The following NUCB2 variants were observed in gnomAD, a reference collection of about 807,000 sequenced individuals.
The protein encoded by NUCB2 is nucleobindin 2.
In NUCB2, 48 loss-of-function variants were observed where a neutral mutation model predicts 57.9. The ratio of observed to expected loss-of-function variants is 0.83; its 90% CI spans 0.66 to 1.05. NUCB2 has a LOEUF of 1.05. Ranked by LOEUF, NUCB2 falls within the 50% of genes least tolerant of loss-of-function variation. The probability of loss-of-function intolerance (pLI) is 0.00; values close to 1 mark genes in which losing one functional copy is unlikely to be tolerated. For synonymous variants in NUCB2, 139 were observed against 152.1 expected (o/e 0.91, Z 0.64); for missense variants, 442 against 476.2 (o/e 0.93, Z 0.67).
chr11:17,341,578 T>C (rs1952270288), intron 2 of NUCB2, among the ~76,000 whole-genome samples: 1 of 152,214 alleles, frequency 6.6e-6, no homozygotes, highest in Non-Finnish European at 1.5e-5. Flanking sequence ...GATAATCATG[T>C]GGTTTTTGTC....
chr11:17,329,630 T>C (rs2139441501), intron 11 of NUCB2, among the ~76,000 whole-genome samples: 1 of 152,340 alleles, frequency 6.6e-6, no homozygotes, highest in Middle Eastern at 3.4e-3. Context: ...GCACAGACTC[T>C]CTGTGCTGCA....
intron 11 of NUCB2, among the ~76,000 whole-genome samples, chr11:17,326,040 G>T (rs1950622191): frequency 2.7e-5 from 4 of 148,010 alleles, no homozygotes; most frequent in South Asian, 2.1e-4. Context: ...CACTCTTGTT[G>T]CTCAGGCTGG....
intron 1 of NUCB2, among the ~76,000 whole-genome samples, chr11:17,282,258 A>ATATTTTT (rs1388672393): frequency 3.9e-5 from 4 of 103,482 alleles, no homozygotes; most frequent in East Asian, 3.3e-4. Flanking sequence ...ATATATATAT[A>ATATTTTT]TTTTTTTTTT....
chr11:17,311,933 A>G lies in NUCB2; in HGVS notation c.819+3A>G. The G allele has an allele frequency of 6.3e-7, 1 of 1,581,988 alleles. No homozygotes were observed. Among genetic ancestry groups the G allele is most frequent in the Non-Finnish European group, 8.7e-7 (1 of 1,155,972 alleles). ...TAGAAGCCCTATTTACTAAAGAGGT[A>G]AAGGAGTTTATTAAGTATTCAGTGT... On this transcript the variant is annotated splice_donor_region_variant and intron_variant, in intron 9 of 13. Coordinates refer to ENST00000529010, the MANE Select transcript of NUCB2 (RefSeq NM_005013.4).
rs1944036164 is a variant in NUCB2, at chr11:17,287,777, A to G, written c.-1+4834A>G. Among the ~76,000 whole-genome samples, 3 of 152,034 alleles carry G rather than the reference A, an allele frequency of 2.0e-5. No homozygotes were observed. The South Asian group carries it at 6.2e-4, about 31-fold the overall frequency. On this transcript the variant is annotated intron_variant, in intron 2 of 13. Transcript: ENST00000529010. The stretch of plus-strand genomic sequence containing the variant: ...CACTTTGGGAGGCCAAGTTGCATGG[A>G]TCACTTGAGGTCAGGAGTTTGAGAC...
intron 4 of NUCB2, among the ~76,000 whole-genome samples, chr11:17,297,938 C>G (rs923974186): frequency 6.6e-6 from 1 of 151,844 alleles, no homozygotes; most frequent in South Asian, 2.1e-4. Context: ...AAAAATTAGC[C>G]GGGTGTGGTG....
In NUCB2 at chr11:17,330,915, T is replaced by G. The variant is rs1369205683; in HGVS notation, c.1187T>G (p.Met396Arg). 6 of 1,599,512 alleles carry G rather than the reference T, an allele frequency of 3.8e-6. No individual in the cohort carries two copies. The highest frequency in any genetic ancestry group is 4.3e-6 in the Non-Finnish European group (5 of 1,170,362). Residue 396 changes from methionine (M) to arginine (R), a missense_variant, in exon 13 of 14, where the codon ATG becomes AGG. Coordinates refer to ENST00000529010, the MANE Select transcript of NUCB2 (RefSeq NM_005013.4). This position sits in a 1 kb window ranked among gnomAD's most constrained non-coding sequence, Gnocchi z 4.3. Reference sequence around the variant, plus strand: ...TCCATTCACCAGGTCATACAGCAGATGGAACAAAAAAAATTACAACAAGGA... The same window carrying G: ...TCCATTCACCAGGTCATACAGCAGAGGGAACAAAAAAAATTACAACAAGGA... Reference protein sequence around the residue: ...KLEYHQVIQQMEQKKLQQGIP... With the variant: ...KLEYHQVIQQREQKKLQQGIP...
At chr11:17,298,793 G>A (rs1044218503) in intron 4 of NUCB2, among the ~76,000 whole-genome samples, 1 of 151,842 alleles carries the variant, frequency 6.6e-6, no homozygotes, top group Non-Finnish European at 1.5e-5. Flanking sequence ...CTGCCTCCCA[G>A]GGTCAAGTGA....
Position 17,331,418 on chromosome 11 carries a change from A to T in NUCB2, c.1262A>T (p.Ter421LeuextTer21), listed in dbSNP as rs774545651. ...AGELKFEPHI[*>L] ...TTTTTCTTTTTTCCAACAGACATTT[A>T]AAGTCTGAAGTCCACCAGAACTTGG... Residue 421 changes from the stop codon to leucine (L), a stop_lost, in exon 14 of 14, where the codon TAA becomes TTA. Transcript: ENST00000529010. 7.6e-6 allele frequency: 11 copies of T among 1,443,524 alleles called. No individual in the cohort carries two copies. Among genetic ancestry groups the T allele is most frequent in the Non-Finnish European group, 1.0e-5 (11 of 1,091,752 alleles). The allele number at this position is 1,443,524 out of a possible 1,614,324, so 89.4% of individuals were successfully genotyped here.
intron 2 of NUCB2, among the ~76,000 whole-genome samples, chr11:17,288,691 A>T (rs1265041490): frequency 8.6e-5 from 13 of 150,298 alleles, no homozygotes; most frequent in Non-Finnish European, 1.9e-4. Flanking sequence ...GGTAGCTGGG[A>T]CTACAGGCAT....
At position 17,310,881 on chromosome 11, in the gene NUCB2, T is replaced by A. The variant is rs771577954; in HGVS notation, c.540T>A (p.Tyr180Ter). 6 of 1,594,220 alleles carry A rather than the reference T, an allele frequency of 3.8e-6. No homozygotes were observed. Among genetic ancestry groups the A allele is most frequent in the Non-Finnish European group, 5.1e-6 (6 of 1,174,902 alleles). The change falls in exon 7 of 14, where the codon TAT (tyrosine) becomes TAA (stop). Residue 180 changes from tyrosine to a stop codon, truncating the protein, a stop_gained. Coordinates refer to ENST00000529010, the MANE Select transcript of NUCB2 (RefSeq NM_005013.4). LOFTEE classifies it high-confidence loss of function. ...DKTRHEEFKKYEMMKEHERRE... is the reference protein window; with the variant it reads ...DKTRHEEFKK ...CTCGTCATGAAGAATTTAAAAAATATGAAATGATGAAGGAACATGAAAGGA... is the reference window on the plus strand; with the variant it reads ...CTCGTCATGAAGAATTTAAAAAATAAGAAATGATGAAGGAACATGAAAGGA...
intron 2 of NUCB2, among the ~76,000 whole-genome samples, chr11:17,290,638 TTA>T (rs940353007): frequency 1.3e-5 from 2 of 151,938 alleles, no homozygotes; most frequent in Non-Finnish European, 2.9e-5. Flanking sequence ...AATCTTAAGT[TTA>T]TATATATATA....
chr11:17,327,554 C>T (rs1371818517), intron 11 of NUCB2, among the ~76,000 whole-genome samples: 39 of 152,256 alleles, frequency 2.6e-4, no homozygotes, highest in Non-Finnish European at 1.2e-4. Context: ...GCCAATAAAA[C>T]TCCTATATTT....
At chr11:17,289,039 C>G (rs1280577986) in intron 2 of NUCB2, among the ~76,000 whole-genome samples, 1 of 150,398 alleles carries the variant, frequency 6.6e-6, no homozygotes, top group Non-Finnish European at 1.5e-5. Flanking sequence ...TCACTGCAAC[C>G]TTTGCCTCCC....
chr11:17,305,493 C>T (rs1376511798), intron 5 of NUCB2, among the ~76,000 whole-genome samples: 1 of 151,864 alleles, frequency 6.6e-6, no homozygotes, highest in African/African-American at 2.4e-5. Context: ...ATGGCTTAGG[C>T]AAAAAGTGGA....
chr11:17,278,170 C>CTTTTTT (rs35441492), intron 1 of NUCB2, among the ~76,000 whole-genome samples: 53 of 85,124 alleles, frequency 6.2e-4, no homozygotes, highest in African/African-American at 6.4e-4. Flanking sequence ...TTTTACCCAT[C>CTTTTTT]TTTTTTTTTT....
chr11:17,302,505 A>G (rs1386719950), intron 5 of NUCB2, among the ~76,000 whole-genome samples: 1 of 152,146 alleles, frequency 6.6e-6, no homozygotes, highest in Non-Finnish European at 1.5e-5. Flanking sequence ...TGGAATAGAA[A>G]ATTTTTCAGA....
chr11:17,336,587 T>C (rs975922972), downstream of NUCB2, among the ~76,000 whole-genome samples: 1 of 151,248 alleles, frequency 6.6e-6, no homozygotes, highest in Non-Finnish European at 1.5e-5. Flanking sequence ...ACCCCGTCTC[T>C]ACTAAAAATA....
chr11:17,320,726 AT>A (rs1203725513), intron 11 of NUCB2, among the ~76,000 whole-genome samples: 3 of 152,118 alleles, frequency 2.0e-5, no homozygotes, highest in Non-Finnish European at 4.4e-5. Flanking sequence ...ATGATCAAAA[AT>A]TACTTGGGTT....
Sources: gnomAD v4.1 joint callset for allele counts (sites outside exome capture counted in the v4.1 genomes callset) on GRCh38, gnomAD v4.1.1 for gene constraint, Gnocchi (gnomAD v3.1) non-coding constraint, MANE v1.5 for transcripts, NCBI Gene and HGNC (gene_info 2026-07-23, HGNC 2026-07-21) for gene names.